The following CACNB4 variants were observed in gnomAD, a reference collection of about 807,000 sequenced individuals.
The protein encoded by CACNB4 is voltage-dependent L-type calcium channel subunit beta-4.
A neutral mutation model predicts 71.2 loss-of-function variants in CACNB4; 32 were observed. The observed-to-expected ratio is 0.45, with a 90% CI of 0.34 to 0.60. The LOEUF is 0.60. Among genes scored for constraint, CACNB4 ranks in the 20% least tolerant of loss-of-function variants. The probability of loss-of-function intolerance (pLI) is 0.01; values close to 1 mark genes in which losing one functional copy is unlikely to be tolerated. For missense variants in CACNB4, 464 were observed against 647.9 expected (o/e 0.72, Z 3.08); for synonymous variants, 231 against 236.9 (o/e 0.97, Z 0.23).
At chr2:152,037,902 A>T (rs1206744973) in intron 2 of CACNB4, among the ~76,000 whole-genome samples, 2 of 152,222 alleles carry the variant, frequency 1.3e-5, no homozygotes, top group Admixed American at 6.5e-5. Context: ...CTGCTACAGC[A>T]GGGAGCTGGC....
chr2:152,020,817 G>A (rs1217883197), intron 2 of CACNB4, among the ~76,000 whole-genome samples: 1 of 152,194 alleles, frequency 6.6e-6, no homozygotes, highest in Non-Finnish European at 1.5e-5. Flanking sequence ...ACTGCTGGAA[G>A]CAGGCAAAAA....
chr2:152,076,317 G>GTTTTTTTTTTTTTT (rs5835407), intron 2 of CACNB4, among the ~76,000 whole-genome samples: 1 of 122,492 alleles, frequency 8.2e-6, no homozygotes, highest in Non-Finnish European at 1.7e-5. Context: ...AATTTTTTGG[G>GTTTTTTTTTTTTTT]TTTTTTTTTT....
chr2:152,033,199 G>T (rs1684383711), intron 2 of CACNB4, among the ~76,000 whole-genome samples: 1 of 152,194 alleles, frequency 6.6e-6, no homozygotes, highest in Non-Finnish European at 1.5e-5. Flanking sequence ...GGAGAAGCGG[G>T]GTGGGGGAAT....
intron 2 of CACNB4, among the ~76,000 whole-genome samples, chr2:152,041,653 A>G (rs977965242): frequency 6.6e-6 from 1 of 152,204 alleles, no homozygotes; most frequent in African/African-American, 2.4e-5. Flanking sequence ...TCACCAAAAG[A>G]CATGGAGATT....
chr2:152,021,802 CT>C (rs1026134797), intron 2 of CACNB4, among the ~76,000 whole-genome samples: 3 of 152,136 alleles, frequency 2.0e-5, no homozygotes, highest in Admixed American at 1.3e-4. Flanking sequence ...TTTGATGTTT[CT>C]TTTTTTCTTT....
chr2:151,989,552 A>C (rs73013203), intron 2 of CACNB4, among the ~76,000 whole-genome samples: 1 of 152,034 alleles, frequency 6.6e-6, no homozygotes, highest in Non-Finnish European at 1.5e-5. Flanking sequence ...TTCTCTGGCC[A>C]TTCTTTCTTG....
intron 2 of CACNB4, chr2:151,967,427 T>C (rs758656877): frequency 3.3e-5 from 5 of 151,990 alleles, no homozygotes; most frequent in Admixed American, 6.6e-5. Context: ...AAAAGTAAAA[T>C]AGAAATTTTC....
chr2:152,091,113 TGAC>T (rs1687949181), intron 2 of CACNB4, among the ~76,000 whole-genome samples: 1 of 151,612 alleles, frequency 6.6e-6, no homozygotes, highest in Non-Finnish European at 1.5e-5. Context: ...TAAGTAAAAA[TGAC>T]TGGTTAACGG....
rs547408655 is a variant in CACNB4 at position 152,081,920 on chromosome 2, A to G, written c.147+16410T>C. On this transcript the variant is annotated intron_variant, in intron 2 of 13. Transcript: ENST00000539935. ...AGTCAGTATTAAAAGTCCCTAATGC[A>G]GTGTTTTCAAATGATGAGAATCAAC... Among the ~76,000 whole-genome samples, 4 of 152,352 alleles carry G rather than the reference A, an allele frequency of 2.6e-5. No homozygotes were observed. In the South Asian group the frequency reaches 8.3e-4, roughly 32 times the overall value.
At chr2:152,025,389 C>A (rs1394130596) in intron 2 of CACNB4, among the ~76,000 whole-genome samples, 1 of 152,228 alleles carries the variant, frequency 6.6e-6, no homozygotes, top group Non-Finnish European at 1.5e-5. Flanking sequence ...ACGACATTTT[C>A]TCTCAAACTG....
At chr2:151,844,735 G>A (rs1259530033) in intron 12 of CACNB4, among the ~76,000 whole-genome samples, 1 of 152,228 alleles carries the variant, frequency 6.6e-6, no homozygotes, top group Non-Finnish European at 1.5e-5. Flanking sequence ...GACTCAGATG[G>A]CACAGGAGGA....
chr2:151,839,371 T>C lies in CACNB4; in HGVS notation c.1311A>G (p.Arg437=). Residue 437 remains arginine (R), a synonymous_variant, in exon 14 of 14, where the codon CGA becomes CGG. Transcript: ENST00000539935. ...CTGTGGAGTGGTTGCTGTGCCTCAT[T>C]CGCTGACTCTAAAAATATCAGATAG... ...PTAISGLQSQ[R]MRHSNHSTEN... The C allele has an allele frequency of 6.2e-7, 1 of 1,606,984 alleles. No individual in the cohort carries two copies. The highest frequency in any genetic ancestry group is 8.5e-7 in the Non-Finnish European group (1 of 1,174,370).
intron 12 of CACNB4, among the ~76,000 whole-genome samples, chr2:151,849,446 T>G (rs946996453): frequency 4.6e-5 from 7 of 152,186 alleles, no homozygotes; most frequent in Non-Finnish European, 2.9e-5. Context: ...GGTCTCAGTA[T>G]GTCTCCCAGG....
At chr2:152,092,570 G>C (rs1222129409) in intron 2 of CACNB4, among the ~76,000 whole-genome samples, 1 of 144,758 alleles carries the variant, frequency 6.9e-6, no homozygotes, top group Non-Finnish European at 1.5e-5. Flanking sequence ...CATTCCATAT[G>C]CTCTTTTTTT....
At chr2:151,872,104 C>T (rs1288121975) in intron 6 of CACNB4, 2 of 275,814 alleles carry the variant, frequency 7.3e-6, no homozygotes, top group Non-Finnish European at 1.4e-5. Flanking sequence ...TTGGCCTTCA[C>T]CATCTTAAAC....
intron 2 of CACNB4, among the ~76,000 whole-genome samples, chr2:152,005,777 C>T (rs1005292056): frequency 6.6e-6 from 1 of 152,244 alleles, no homozygotes; most frequent in Non-Finnish European, 1.5e-5. Context: ...GCAACCACCA[C>T]TGTGTCCCAG....
intron 2 of CACNB4, among the ~76,000 whole-genome samples, chr2:152,091,853 T>C (rs1687990395): frequency 6.6e-6 from 1 of 152,158 alleles, no homozygotes; most frequent in East Asian, 1.9e-4. Flanking sequence ...TACAAGAAGC[T>C]AACCAAGCAA....
chr2:151,861,852 A>AAAAAAAAAAAAAAAAAAAAAAAAAAAC lies in CACNB4; in HGVS notation c.759-1033_759-1032insGTTTTTTTTTTTTTTTTTTTTTTTTTT. ...GGTGAGACCCTGTCTCAAAAAAAAAAAAAAAACTGAAGAATAAAGCAAAGA... is the reference window on the plus strand; with the variant it reads ...GGTGAGACCCTGTCTCAAAAAAAAAAAAAAAAAAAAAAAAAAAAAAAAAAAACAAAAAACTGAAGAATAAAGCAAAGA... On this transcript the variant is annotated intron_variant, in intron 9 of 13. Coordinates refer to ENST00000539935, the MANE Select transcript of CACNB4 (RefSeq NM_000726.5). 3.5e-4 allele frequency: 52 copies of AAAAAAAAAAAAAAAAAAAAAAAAAAAC among 146,606 alleles called. 1 individual carries two copies. The highest frequency in any genetic ancestry group is 1.3e-3 in the African/African-American group (50 of 38,204). 9.1% of individuals were successfully genotyped at this position (146,606 alleles called of 1,614,324 possible). A position where few individuals can be genotyped will look rare whatever the true frequency, so the allele number is the denominator to read the frequency against.
At chr2:151,945,212 T>C (rs1347001282) in intron 2 of CACNB4, among the ~76,000 whole-genome samples, 1 of 152,136 alleles carries the variant, frequency 6.6e-6, no homozygotes, top group African/African-American at 2.4e-5. Context: ...TAGTGGAAAA[T>C]ACTCAGGTTT....
Sources: allele counts gnomAD v4.1 joint callset (sites outside exome capture counted in the v4.1 genomes callset), GRCh38; gene constraint gnomAD v4.1.1; transcripts MANE v1.5; gene names NCBI Gene and HGNC (gene_info 2026-07-23, HGNC 2026-07-21).